The following PRKD1 variants were observed in gnomAD, a reference collection of about 807,000 sequenced individuals.
PRKD1 encodes the protein protein kinase D1, also known as serine/threonine-protein kinase D1.
In PRKD1, 63 loss-of-function variants were observed where a neutral mutation model predicts 95.9. The observed-to-expected ratio is 0.66, with a 90% CI of 0.54 to 0.81. The LOEUF is 0.81. Ranked by LOEUF, PRKD1 falls within the 30% of genes least tolerant of loss-of-function variation. PRKD1 has a pLI of 0.00. For missense variants in PRKD1, 1,048 were observed against 1,165.3 expected (o/e 0.90, Z 1.47); for synonymous variants, 425 against 423.1 (o/e 1.00, Z -0.05).
intron 1 of PRKD1, among the ~76,000 whole-genome samples, chr14:29,774,820 A>G (rs546249724): frequency 6.6e-6 from 1 of 152,308 alleles, no homozygotes; most frequent in East Asian, 1.9e-4. Flanking sequence ...CAAAGCTTCA[A>G]ACAGTTAGGA....
At chr14:29,783,858 G>A (rs187077788) in intron 1 of PRKD1, among the ~76,000 whole-genome samples, 1 of 152,284 alleles carries the variant, frequency 6.6e-6, no homozygotes, top group African/African-American at 2.4e-5. Context: ...GCTGTTGGTT[G>A]AGTTTGTTGT....
intron 1 of PRKD1, among the ~76,000 whole-genome samples, chr14:29,871,225 G>A (rs1488793904): frequency 6.6e-6 from 1 of 152,144 alleles, no homozygotes; most frequent in Non-Finnish European, 1.5e-5. Context: ...TCTGGGTATG[G>A]AATACTCTCC....
chr14:29,901,218 T>C (rs957638257), intron 1 of PRKD1, among the ~76,000 whole-genome samples: 5 of 152,216 alleles, frequency 3.3e-5, no homozygotes, highest in African/African-American at 1.2e-4. Context: ...GTAATTATCC[T>C]AGGCAAATTA....
At chr14:29,771,460 T>G (rs955335193) in intron 1 of PRKD1, among the ~76,000 whole-genome samples, 6 of 152,148 alleles carry the variant, frequency 3.9e-5, no homozygotes, top group Non-Finnish European at 7.3e-5. Flanking sequence ...TGGCTGCTCT[T>G]CCAGTTAGCA....
At chr14:29,786,241 T>G (rs1219881686) in intron 1 of PRKD1, among the ~76,000 whole-genome samples, 1 of 152,180 alleles carries the variant, frequency 6.6e-6, no homozygotes, top group African/African-American at 2.4e-5. Flanking sequence ...GGATTAATTT[T>G]CATAATATTT....
intron 1 of PRKD1, among the ~76,000 whole-genome samples, chr14:29,894,781 G>C (rs543680708): frequency 2.6e-5 from 4 of 152,306 alleles, no homozygotes; most frequent in African/African-American, 7.2e-5. Context: ...AAACAAGCCA[G>C]AACAATACTG....
At chr14:29,718,808 A>G (rs1356385364) in intron 2 of PRKD1, among the ~76,000 whole-genome samples, 1 of 152,168 alleles carries the variant, frequency 6.6e-6, no homozygotes, top group Non-Finnish European at 1.5e-5. Flanking sequence ...AGGGCTGAGA[A>G]GGTGTTGCCC....
chr14:29,859,913 T>C (rs1430903164), intron 1 of PRKD1, among the ~76,000 whole-genome samples: 1 of 152,224 alleles, frequency 6.6e-6, no homozygotes, highest in Non-Finnish European at 1.5e-5. Flanking sequence ...TTAAAAACAA[T>C]GCATAATTAA....
intron 6 of PRKD1, 94 bp from the exon 7 acceptor site, chr14:29,636,588 A>T (rs1290969861): frequency 8.1e-7 from 1 of 1,235,680 alleles, no homozygotes; most frequent in Non-Finnish European, 1.2e-6. Context: ...ATCAATTGGA[A>T]GCCCCAAAGA....
chr14:29,703,048 A>G (rs1007829692), intron 2 of PRKD1, among the ~76,000 whole-genome samples: 1 of 152,036 alleles, frequency 6.6e-6, no homozygotes, highest in Admixed American at 6.6e-5. Flanking sequence ...ATTTATTAAG[A>G]TTTTCTTTGC....
intron 1 of PRKD1, among the ~76,000 whole-genome samples, chr14:29,896,978 C>G (rs192951337): frequency 1.3e-5 from 2 of 151,592 alleles, no homozygotes; most frequent in African/African-American, 2.4e-5. Flanking sequence ...TTGTATTTAT[C>G]TAATAATAAA....
At chr14:29,765,373 C>T (rs757543773) in intron 1 of PRKD1, among the ~76,000 whole-genome samples, 2 of 152,120 alleles carry the variant, frequency 1.3e-5, no homozygotes, top group East Asian at 1.9e-4. Flanking sequence ...ACTTTAGTAT[C>T]GAGCCTGAGA....
At chr14:29,677,593 T>C (rs1303039637) in intron 2 of PRKD1, among the ~76,000 whole-genome samples, 11 of 152,358 alleles carry the variant, frequency 7.2e-5, no homozygotes. Flanking sequence ...TTGTTTGTTT[T>C]GAGACAGGAT....
At chr14:29,698,181 A>G (rs1156407252) in intron 2 of PRKD1, among the ~76,000 whole-genome samples, 1 of 152,226 alleles carries the variant, frequency 6.6e-6, no homozygotes, top group Non-Finnish European at 1.5e-5. Context: ...GAAAAATGAC[A>G]TTTGAAACAT....
At chr14:29,671,911 A>G (rs1421902014) in intron 2 of PRKD1, among the ~76,000 whole-genome samples, 1 of 152,216 alleles carries the variant, frequency 6.6e-6, no homozygotes, top group Non-Finnish European at 1.5e-5. Flanking sequence ...TAAAATGTTG[A>G]TATTTTAAAA....
intron 1 of PRKD1, among the ~76,000 whole-genome samples, chr14:29,919,756 A>G (rs1391784582): frequency 6.9e-6 from 1 of 145,632 alleles, no homozygotes; most frequent in Non-Finnish European, 1.5e-5. Context: ...ACTTGAGCAC[A>G]GGAGTTCAAG....
chr14:29,616,129 AG>A (rs1700575755), intron 13 of PRKD1, among the ~76,000 whole-genome samples: 1 of 151,360 alleles, frequency 6.6e-6, no homozygotes, highest in Admixed American at 6.6e-5. Context: ...GGAAACGTTT[AG>A]GAAGATAGAG....
intron 2 of PRKD1, among the ~76,000 whole-genome samples, chr14:29,718,974 C>A (rs1441020599): frequency 2.0e-5 from 3 of 151,810 alleles, no homozygotes; most frequent in Non-Finnish European, 2.9e-5. Flanking sequence ...CATTGCTAAC[C>A]AATGTATTAT....
chr14:29,710,397 C>T (rs1472085386), intron 2 of PRKD1, among the ~76,000 whole-genome samples: 1 of 152,130 alleles, frequency 6.6e-6, no homozygotes, highest in Non-Finnish European at 1.5e-5. Flanking sequence ...GATAAGAAAG[C>T]TACTTCACTT....
Sources: gnomAD v4.1 joint callset for allele counts (sites outside exome capture counted in the v4.1 genomes callset) on GRCh38, gnomAD v4.1.1 for gene constraint, MANE v1.5 for transcripts, NCBI Gene and HGNC (gene_info 2026-07-23, HGNC 2026-07-21) for gene names.